The following ZNF732 variants were observed in gnomAD, a reference collection of about 807,000 sequenced individuals.
The protein encoded by ZNF732 is zinc finger protein LOC654254.
ZNF732 carries 12 observed loss-of-function variants against 11.5 expected under a neutral mutation model. The ratio of observed to expected loss-of-function variants is 1.05; its 90% CI spans 0.67 to 1.70. ZNF732 has a LOEUF of 1.70. Ranked by LOEUF, ZNF732 falls within the 40% of genes most tolerant of loss-of-function variation. The pLI, the probability that ZNF732 is intolerant of heterozygous loss-of-function variation, is 0.00. For synonymous variants in ZNF732, 231 were observed against 236.5 expected, an observed-to-expected ratio of 0.98 and a Z score of 0.21; for missense variants, 702 against 676.9, an observed-to-expected ratio of 1.04 and a Z score of -0.41.
At chr4:276,293 A>G (rs997721846) in intron 3 of ZNF732, among the ~76,000 whole-genome samples, 20 of 151,890 alleles carry the variant, frequency 1.3e-4, no homozygotes, top group African/African-American at 4.8e-4. Flanking sequence ...GGAAATAGAT[A>G]TATCACTGAT....
rs1223808236 is a variant in ZNF732 at position 299,956 on chromosome 4, G to T, written c.4-3801C>A. On this transcript the variant is annotated intron_variant, in intron 1 of 3. Transcript: ENST00000419098. ...GGACCTCAGGTGATCCGCCTGCCTC[G>T]GCCTCCCAAAGTGCTAGGATTACAG... Among the ~76,000 whole-genome samples the T allele has an allele frequency of 2.0e-5, 3 of 146,926 alleles. No homozygotes were observed. In the South Asian group the frequency reaches 6.5e-4, roughly 32 times the overall value.
At chr4:273,619 A>C (rs1719434832) in intron 3 of ZNF732, among the ~76,000 whole-genome samples, 1 of 151,876 alleles carries the variant, frequency 6.6e-6, no homozygotes, top group Non-Finnish European at 1.5e-5. Flanking sequence ...AAAGACAGAA[A>C]TTTTCAAGTT....
At chr4:296,242 G>T in intron 1 of ZNF732, 87 bp from the exon 2 acceptor site, 2 of 1,513,808 alleles carry the variant, frequency 1.3e-6, no homozygotes, top group South Asian at 2.5e-5. Context: ...ACATGTGACT[G>T]ACTGAGATTA....
Position 287,197 on chromosome 4 carries a change from A to G in ZNF732, c.226+8241T>C, listed in dbSNP as rs923003430. On this transcript the variant is annotated intron_variant, in intron 3 of 3. Transcript: ENST00000419098. ...AGCAGAAGCAAAATTGCCAAATCCA[A>G]GAATATGTGAAACTTAACATACTTT... 3.7e-4 allele frequency among the ~76,000 whole-genome samples: 56 copies of G among 152,156 alleles called. 1 individual carries two copies. Among genetic ancestry groups the G allele is most frequent in the African/African-American group, 1.3e-3 (56 of 41,528 alleles).
At chr4:283,578 A>AAT (rs1553840179) in intron 3 of ZNF732, among the ~76,000 whole-genome samples, 3 of 152,118 alleles carry the variant, frequency 2.0e-5, no homozygotes, top group Non-Finnish European at 2.9e-5. Flanking sequence ...AACAATTAAA[A>AAT]ATATATATAT....
chr4:277,676 A>C (rs1719527201), intron 3 of ZNF732, among the ~76,000 whole-genome samples: 1 of 152,114 alleles, frequency 6.6e-6, no homozygotes, highest in African/African-American at 2.4e-5. Flanking sequence ...CCATTATAGA[A>C]AAAAAACAAG....
Position 271,120 on chromosome 4 carries a change from A to C in ZNF732, c.1737T>G (p.Ile579Met). The change falls in exon 4 of 4, where the codon ATT (isoleucine) becomes ATG (methionine). Residue 579 changes from isoleucine (I) to methionine (M), a missense_variant. Physicochemically the swap from Ile to Met is conservative, Grantham distance 10 (BLOSUM62 1). Coordinates refer to ENST00000419098, the MANE Select transcript of ZNF732 (RefSeq NM_001137608.3). ...ATTTCTAGAGTTTCTCTCCAGTATA[A>C]ATTTTATTATGTTGATTAAGGTATG... ...WSSYLNQHNKIYTGEKL is the reference protein window; with the variant it reads ...WSSYLNQHNKMYTGEKL 6.6e-7 allele frequency: 1 copy of C among 1,516,702 alleles called. No individual in the cohort carries two copies. Among genetic ancestry groups the C allele is most frequent in the Non-Finnish European group, 8.8e-7 (1 of 1,134,916 alleles). 94.0% of individuals were successfully genotyped at this position (1,516,702 alleles called of 1,614,324 possible).
At chr4:280,274 C>T (rs1442073751) in intron 3 of ZNF732, among the ~76,000 whole-genome samples, 2 of 135,836 alleles carry the variant, frequency 1.5e-5, no homozygotes, top group Non-Finnish European at 3.1e-5. Context: ...GAATCTTTGA[C>T]ATGCAATGTA....
Position 272,186 on chromosome 4 carries a change from G to A in ZNF732, c.671C>T (p.Thr224Ile). 1 of 1,612,968 alleles carries A rather than the reference G, an allele frequency of 6.2e-7. No homozygotes were observed. Among genetic ancestry groups the A allele is most frequent in the Non-Finnish European group, 8.5e-7 (1 of 1,179,454 alleles). The change falls in exon 4 of 4, where the codon ACA becomes ATA. Residue 224 changes from threonine to isoleucine, a missense_variant. This residue lies in a region of ZNF732 where 596 missense variants were observed against 557.9 expected (regional missense o/e 1.07). Transcript: ENST00000419098. ...AAAGATGTTGCCACATTCTTCACATGTGAAGGGTTTCTCTCCAGTATGAAT... is the reference window on the plus strand; with the variant it reads ...AAAGATGTTGCCACATTCTTCACATATGAAGGGTTTCTCTCCAGTATGAAT... ...EIIHTGEKPF[T>I]CEECGNIFTT...
intron 1 of ZNF732, among the ~76,000 whole-genome samples, chr4:297,519 C>T (rs1553842574): frequency 6.7e-6 from 1 of 148,196 alleles, no homozygotes. Flanking sequence ...TATAGAATAA[C>T]CGGTCAATAT....
At chr4:304,095 T>C (rs1427877004) in intron 1 of ZNF732, among the ~76,000 whole-genome samples, 1 of 152,114 alleles carries the variant, frequency 6.6e-6, no homozygotes, top group African/African-American at 2.4e-5. Context: ...GGAGTCTTCC[T>C]GGCACTGTGT....
intron 3 of ZNF732, among the ~76,000 whole-genome samples, chr4:288,947 T>C (rs1719786436): frequency 1.3e-5 from 2 of 152,186 alleles, no homozygotes; most frequent in Admixed American, 1.3e-4. Context: ...TATCCTCGTA[T>C]TGCTATAAAT....
At chr4:275,268 A>G (rs1274767178) in intron 3 of ZNF732, among the ~76,000 whole-genome samples, 1 of 151,806 alleles carries the variant, frequency 6.6e-6, no homozygotes, top group Admixed American at 6.6e-5. Flanking sequence ...TATAGAAATT[A>G]AACAACACAC....
In ZNF732 at chr4:272,641, T is replaced by G. The variant is rs1560156152; in HGVS notation, c.227-11A>C. ...AATGAGAACACACAGCTGAAAGAAA[T>G]AAAAATAAATTATCCTGCTTACTAG... On this transcript the variant is annotated splice_polypyrimidine_tract_variant and intron_variant, in intron 3 of 3. Coordinates refer to ENST00000419098, the MANE Select transcript of ZNF732 (RefSeq NM_001137608.3). The G allele has an allele frequency of 1.3e-6, 2 of 1,488,122 alleles. No homozygotes were observed. Among genetic ancestry groups the G allele is most frequent in the East Asian group, 2.3e-5 (1 of 43,446 alleles). The allele number at this position is 1,488,122 out of a possible 1,614,324, so 92.2% of individuals were successfully genotyped here. A position where few individuals can be genotyped will look rare whatever the true frequency, so the allele number is the denominator to read the frequency against.
intron 3 of ZNF732, among the ~76,000 whole-genome samples, chr4:276,642 A>G (rs1480335847): frequency 1.3e-5 from 2 of 151,974 alleles, no homozygotes; most frequent in Non-Finnish European, 2.9e-5. Flanking sequence ...TGAAAATTGT[A>G]AATAATTAAA....
At chr4:292,182 C>T (rs1262901451) in intron 3 of ZNF732, among the ~76,000 whole-genome samples, 1 of 152,104 alleles carries the variant, frequency 6.6e-6, no homozygotes, top group Admixed American at 6.6e-5. Flanking sequence ...ATCAAAAGCA[C>T]AGCAACAAAA....
rs536431708 is a variant in ZNF732 at position 287,185 on chromosome 4, T to C, written c.226+8253A>G. On this transcript the variant is annotated intron_variant, in intron 3 of 3. Coordinates refer to ENST00000419098, the MANE Select transcript of ZNF732 (RefSeq NM_001137608.3). ...CTAGAAATCAAAAGCAGAAGCAAAATTGCCAAATCCAAGAATATGTGAAAC... is the reference window on the plus strand; with the variant it reads ...CTAGAAATCAAAAGCAGAAGCAAAACTGCCAAATCCAAGAATATGTGAAAC... Among the ~76,000 whole-genome samples, 12 of 151,624 alleles carry C rather than the reference T, an allele frequency of 7.9e-5. No homozygotes were observed. The East Asian group carries it at 2.3e-3, about 30-fold the overall frequency.
At chr4:276,860 G>T (rs190089491) in intron 3 of ZNF732, among the ~76,000 whole-genome samples, 3 of 151,228 alleles carry the variant, frequency 2.0e-5, no homozygotes, top group African/African-American at 7.3e-5. Flanking sequence ...TAATCCTAAG[G>T]GGGGGACAAA....
intron 3 of ZNF732, among the ~76,000 whole-genome samples, chr4:294,251 C>T (rs1481821425): frequency 6.6e-6 from 1 of 152,232 alleles, no homozygotes; most frequent in East Asian, 1.9e-4. Flanking sequence ...CCACCCACCT[C>T]AGCCTCCCAA....
Sources: allele counts gnomAD v4.1 joint callset (sites outside exome capture counted in the v4.1 genomes callset), GRCh38; gene constraint gnomAD v4.1.1; regional missense constraint gnomAD v4.1.1; transcripts MANE v1.5; gene names NCBI Gene and HGNC (gene_info 2026-07-23, HGNC 2026-07-21).